The following NRP1 variants were observed in gnomAD, a reference collection of about 807,000 sequenced individuals.
NRP1 encodes neuropilin 1.
NRP1 carries 35 observed loss-of-function variants against 106.7 expected under a neutral mutation model. The observed-to-expected ratio is 0.33, with a 90% confidence interval of 0.25 to 0.43. NRP1 has a LOEUF of 0.43. Among genes scored for constraint, NRP1 ranks in the 20% least tolerant of loss-of-function variants. The probability of loss-of-function intolerance (pLI) is 1.00; values close to 1 mark genes in which losing one functional copy is unlikely to be tolerated. For missense variants in NRP1, 1,024 were observed against 1,170.4 expected, an observed-to-expected ratio of 0.87 and a Z score of 1.83; for synonymous variants, 437 against 417.9, an observed-to-expected ratio of 1.05 and a Z score of -0.56.
intron 2 of NRP1, chr10:33,288,503 C>G (rs1422093432): frequency 6.6e-6 from 1 of 152,210 alleles, no homozygotes; most frequent in African/African-American, 2.4e-5. Flanking sequence ...GACATCTCAT[C>G]AGCACAGTGC....
At chr10:33,331,017 C>T (rs1848248417) in intron 1 of NRP1, 135 bp from the exon 2 acceptor site, 4 of 701,334 alleles carry the variant, frequency 5.7e-6, no homozygotes, top group South Asian at 2.2e-5. Context: ...GTAAGTCCTT[C>T]GTGTGGCTCT....
At chr10:33,291,622 A>G (rs901463994) in intron 2 of NRP1, among the ~76,000 whole-genome samples, 1 of 152,238 alleles carries the variant, frequency 6.6e-6, no homozygotes, top group Non-Finnish European at 1.5e-5. Context: ...AGATGCAAAT[A>G]TACAATTTTT....
intron 1 of NRP1, 107 bp from the exon 2 acceptor site, chr10:33,330,989 G>C: frequency 1.0e-6 from 1 of 1,002,558 alleles, no homozygotes; most frequent in Admixed American, 2.7e-5. Flanking sequence ...TTTTTAAGGG[G>C]AACTCTAAAA....
At chr10:33,220,051 C>G (rs924424537) in intron 8 of NRP1, among the ~76,000 whole-genome samples, 3 of 152,194 alleles carry the variant, frequency 2.0e-5, no homozygotes, top group Non-Finnish European at 4.4e-5. Context: ...ATTCCTGCCT[C>G]TAAGGCCTTG....
At chr10:33,240,943 T>A (rs1006359146) in intron 6 of NRP1, among the ~76,000 whole-genome samples, 1 of 152,248 alleles carries the variant, frequency 6.6e-6, no homozygotes, top group Non-Finnish European at 1.5e-5. Flanking sequence ...TTTGGTCAAC[T>A]GCATTTCCCT....
At chr10:33,296,890 A>G (rs1845426600) in intron 2 of NRP1, among the ~76,000 whole-genome samples, 1 of 152,046 alleles carries the variant, frequency 6.6e-6, no homozygotes, top group African/African-American at 2.4e-5. Context: ...TTAGCCGAGC[A>G]TGGTGGTGCA....
chr10:33,293,244 TC>T (rs1365769017), intron 2 of NRP1, among the ~76,000 whole-genome samples: 1 of 152,258 alleles, frequency 6.6e-6, no homozygotes, highest in Admixed American at 6.5e-5. Flanking sequence ...GGAGCTTTTT[TC>T]CCAGGCTTTT....
chr10:33,274,886 A>G (rs1189926787), intron 2 of NRP1, among the ~76,000 whole-genome samples: 2 of 152,202 alleles, frequency 1.3e-5, no homozygotes, highest in Non-Finnish European at 2.9e-5. Flanking sequence ...TTCACCAGCA[A>G]AAATGTGTTT....
chr10:33,302,792 AG>A (rs1845895595), intron 2 of NRP1, among the ~76,000 whole-genome samples: 1 of 152,222 alleles, frequency 6.6e-6, no homozygotes, highest in South Asian at 2.1e-4. Context: ...AGCAACCTTG[AG>A]GGTCTCAGAG....
intron 1 of NRP1, 86 bp downstream of exon 1, chr10:33,334,224 C>G (rs1190272195): frequency 6.3e-6 from 8 of 1,269,124 alleles, no homozygotes; most frequent in African/African-American, 1.5e-5. Flanking sequence ...CGGCTGATCC[C>G]GGGAAGCCCC....
intron 4 of NRP1, 100 bp from the exon 5 acceptor site, chr10:33,256,571 G>T (rs555058102): frequency 1.5e-6 from 2 of 1,332,686 alleles, no homozygotes; most frequent in East Asian, 4.8e-5. Context: ...GAACCCAGAA[G>T]TGTTTTCTAA....
At chr10:33,246,154 A>G (rs1340726855) in intron 6 of NRP1, among the ~76,000 whole-genome samples, 1 of 146,710 alleles carries the variant, frequency 6.8e-6, no homozygotes, top group African/African-American at 2.5e-5. Context: ...GGTAATTTCT[A>G]CAAAACAAAA....
In NRP1 at chr10:33,334,540, C is replaced by T; in HGVS notation, c.-158G>A. ...GAGAAAAGAAAGCAGCGAGGCAATG[C>T]CTGGATCCGAGAGGAACGCTTCTCT... On this transcript the variant is annotated 5_prime_UTR_variant, in exon 1 of 17. Coordinates refer to ENST00000374867, the MANE Select transcript of NRP1 (RefSeq NM_003873.7). The T allele has an allele frequency of 1.6e-6, 1 of 607,890 alleles. No individual in the cohort carries two copies. Among genetic ancestry groups the T allele is most frequent in the Non-Finnish European group, 2.8e-6 (1 of 358,558 alleles). The allele number at this position is 607,890 out of a possible 1,614,324, so 37.7% of individuals were successfully genotyped here.
intron 5 of NRP1, among the ~76,000 whole-genome samples, chr10:33,254,728 C>G (rs1480541748): frequency 6.6e-6 from 1 of 152,162 alleles, no homozygotes; most frequent in Non-Finnish European, 1.5e-5. Flanking sequence ...TTATGCCCCA[C>G]CTCTGGCCTG....
At chr10:33,246,731 C>T (rs1198417278) in intron 6 of NRP1, among the ~76,000 whole-genome samples, 1 of 152,140 alleles carries the variant, frequency 6.6e-6, no homozygotes, top group African/African-American at 2.4e-5. Flanking sequence ...TTTGTCAGTT[C>T]TCTACTTACA....
At chr10:33,219,252 T>A (rs1030006862) in intron 8 of NRP1, among the ~76,000 whole-genome samples, 3 of 152,204 alleles carry the variant, frequency 2.0e-5, no homozygotes, top group African/African-American at 4.8e-5. Context: ...AAGGTGATCC[T>A]CACAGACCAG....
At chr10:33,207,476 A>G in intron 10 of NRP1, 96 bp downstream of exon 10, 2 of 1,380,392 alleles carry the variant, frequency 1.4e-6, no homozygotes, top group South Asian at 2.6e-5. Flanking sequence ...CCAAGGGAAA[A>G]GGGTAGGCAA....
chr10:33,229,059 AAAAGT>A (rs1362765794), intron 6 of NRP1, among the ~76,000 whole-genome samples: 1 of 152,246 alleles, frequency 6.6e-6, no homozygotes, highest in Non-Finnish European at 1.5e-5. Flanking sequence ...TTTAGCAAAT[AAAAGT>A]ACAAAACATC....
chr10:33,244,391 A>G (rs1051048719), intron 6 of NRP1, among the ~76,000 whole-genome samples: 14 of 152,232 alleles, frequency 9.2e-5, no homozygotes, highest in African/African-American at 3.1e-4. Context: ...AACAAACTCC[A>G]CCAAAGGAAT....
Sources: gnomAD v4.1 joint callset for allele counts (sites outside exome capture counted in the v4.1 genomes callset) on GRCh38, gnomAD v4.1.1 for gene constraint, MANE v1.5 for transcripts, NCBI Gene and HGNC (gene_info 2026-07-23, HGNC 2026-07-21) for gene names.